DNAH2: variants seen among roughly 807,000 people sequenced by gnomAD.
DNAH2 encodes dynein axonemal heavy chain 2.
Under a neutral mutation model 523.5 loss-of-function variants are expected in DNAH2, and 323 were observed. That is an observed-to-expected ratio of 0.62 (90% CI 0.56 to 0.68). The LOEUF (loss-of-function observed/expected upper bound fraction) is 0.68, where lower values mean the gene tolerates loss of function less well. DNAH2 is among the 30% of genes least tolerant of loss of function. The pLI is 0.00. For synonymous variants in DNAH2, 2,093 were observed against 2,177.4 expected (o/e 0.96, Z 1.08); for missense variants, 4,907 against 5,701.5 (o/e 0.86, Z 4.49).
rs377750660 is a variant in DNAH2 at position 7,804,222 on chromosome 17, G to A, written c.8973-34G>A. ...GGACACCGCGCTTTCCGGAAGCCCC[G>A]CCTCTCCACACCCTGTCCTATTCTT... On this transcript the variant is annotated intron_variant, in intron 58 of 85. Coordinates refer to ENST00000572933, the MANE Select transcript of DNAH2 (RefSeq NM_020877.5). 366 of 1,610,028 alleles carry A rather than the reference G, an allele frequency of 2.3e-4. 2 individuals are homozygous for A. In the African/African-American group the frequency reaches 2.9e-3, roughly 13 times the overall value.
chr17:7,788,585 G>A lies in DNAH2; in HGVS notation c.6900+341G>A, dbSNP rs71371818. Among the ~76,000 whole-genome samples the A allele has an allele frequency of 8.9e-3, 1,352 of 152,258 alleles. 8 individuals are homozygous for A. Among genetic ancestry groups the A allele is most frequent in the South Asian group, 0.015 (72 of 4,826 alleles). On this transcript the variant is annotated intron_variant, in intron 44 of 85. Coordinates refer to ENST00000572933, the MANE Select transcript of DNAH2 (RefSeq NM_020877.5). ...ATCCCTTCAAAATATAAGTTTTGGC[G>A]TAGATGAGGCCCTGGGACACCATTT...
intron 39 of DNAH2, among the ~76,000 whole-genome samples, chr17:7,782,914 G>A (rs1310532078): frequency 7.2e-5 from 11 of 152,084 alleles, no homozygotes; most frequent in Non-Finnish European, 1.5e-4. Flanking sequence ...TCGTGAAAAG[G>A]ACGATGGGAA....
chr17:7,726,422 G>A (rs2151123865), intron 3 of DNAH2, among the ~76,000 whole-genome samples: 1 of 151,858 alleles, frequency 6.6e-6, no homozygotes, highest in East Asian at 1.9e-4. Context: ...TCCTGCCGCA[G>A]CTTCCCGAGT....
At chr17:7,800,706 A>T (rs2077198358) in intron 56 of DNAH2, among the ~76,000 whole-genome samples, 1 of 150,390 alleles carries the variant, frequency 6.6e-6, no homozygotes, top group Non-Finnish European at 1.5e-5. Flanking sequence ...CTCTACTAAA[A>T]ATACAAAAAA....
intron 64 of DNAH2, among the ~76,000 whole-genome samples, chr17:7,817,040 G>C (rs1040920482): frequency 1.3e-5 from 2 of 152,170 alleles, no homozygotes; most frequent in African/African-American, 4.8e-5. Context: ...TCTTGCTTCT[G>C]CCCCTCAGTG....
In DNAH2 at chr17:7,754,559, C is replaced by T. The variant is rs1567643556; in HGVS notation, c.1905-2532C>T. On this transcript the variant is annotated intron_variant, in intron 12 of 85. Coordinates refer to ENST00000572933, the MANE Select transcript of DNAH2 (RefSeq NM_020877.5). This position sits in a 1 kb window ranked among gnomAD's most constrained non-coding sequence, Gnocchi z 4.6. ...AAAAGAAGGGCCTAAAGAAGATGCA[C>T]ACCAACAATGCCAAGGCCATGAGTC... is the stretch of plus-strand genomic sequence containing the variant. 9.3e-6 allele frequency: 13 copies of T among 1,399,810 alleles called. No homozygotes were observed. Among genetic ancestry groups the T allele is most frequent in the Non-Finnish European group, 1.3e-5 (13 of 1,003,414 alleles). 86.7% of individuals were successfully genotyped at this position (1,399,810 alleles called of 1,614,324 possible).
Position 7,737,217 on chromosome 17 carries a change from C to A in DNAH2, c.1129C>A (p.His377Asn). 1 of 1,614,144 alleles carries A rather than the reference C, an allele frequency of 6.2e-7. No homozygotes were observed. Reference protein sequence around the residue: ...LIRIIWVNSPHYNTRERLTSL... With the variant: ...LIRIIWVNSPNYNTRERLTSL... ...CCGCATCATCTGGGTCAACTCTCCC[C>A]ACTACAACACTCGGGAGAGACTGAC... is the stretch of plus-strand genomic sequence containing the variant. Residue 377 changes from histidine (H) to asparagine (N), a missense_variant, in exon 8 of 86, where the codon CAC (histidine) becomes AAC (asparagine). His to Asn is a moderately conservative substitution (Grantham distance 68, BLOSUM62 1). Coordinates refer to ENST00000572933, the MANE Select transcript of DNAH2 (RefSeq NM_020877.5).
intron 12 of DNAH2, among the ~76,000 whole-genome samples, chr17:7,745,679 A>C (rs2075496253): frequency 6.6e-6 from 1 of 151,458 alleles, no homozygotes; most frequent in African/African-American, 2.4e-5. Flanking sequence ...AGTCCCAGCT[A>C]CTCAGGAGGC....
chr17:7,833,358 T>TCCAG (rs2078248431), intron 85 of DNAH2, 21 bp from the exon 86 acceptor site: 1 of 1,612,784 alleles, frequency 6.2e-7, no homozygotes, highest in Non-Finnish European at 8.5e-7. Context: ...GGGGTCTGAC[T>TCCAG]TCTCCTCTCC....
intron 2 of DNAH2, among the ~76,000 whole-genome samples, chr17:7,722,186 A>AT (rs2074631838): frequency 3.3e-5 from 1 of 30,264 alleles, no homozygotes; most frequent in African/African-American, 1.7e-4. Flanking sequence ...TTTTATAGAG[A>AT]CGGGGGGGGG....
chr17:7,821,482 G>A lies in DNAH2; in HGVS notation c.11142+113G>A. On this transcript the variant is annotated intron_variant, in intron 73 of 85. Transcript: ENST00000572933. The surrounding 1 kb of genome is among the most constrained non-coding windows in gnomAD (Gnocchi z 5.0). ...TCAGGCCCACAGCATCAGTGAGTGAGCTGAGAAAATCCAGGCCAGCATCAG... is the reference window on the plus strand; with the variant it reads ...TCAGGCCCACAGCATCAGTGAGTGAACTGAGAAAATCCAGGCCAGCATCAG... 1 of 1,403,290 alleles carries A rather than the reference G, an allele frequency of 7.1e-7. No individual in the cohort carries two copies. The highest frequency in any genetic ancestry group is 9.5e-7 in the Non-Finnish European group (1 of 1,057,928). 86.9% of individuals were successfully genotyped at this position (1,403,290 alleles called of 1,614,324 possible).
chr17:7,816,186 G>A (rs964087040), intron 63 of DNAH2, among the ~76,000 whole-genome samples: 1 of 152,066 alleles, frequency 6.6e-6, no homozygotes, highest in Non-Finnish European at 1.5e-5. Flanking sequence ...TCCACCTTAG[G>A]TATGGCCTCT....
At chr17:7,765,343 G>T (rs756946011) in intron 20 of DNAH2, 48 bp from the exon 21 acceptor site, 5 of 1,562,020 alleles carry the variant, frequency 3.2e-6, no homozygotes, top group African/African-American at 2.7e-5. Flanking sequence ...ACGCATGAGA[G>T]GGCAGACCTC....
chr17:7,813,548 T>C (rs2077577744), intron 63 of DNAH2, among the ~76,000 whole-genome samples: 1 of 152,196 alleles, frequency 6.6e-6, no homozygotes, highest in African/African-American at 2.4e-5. Flanking sequence ...AAGAACTGAT[T>C]TGGAAACAAG....
In DNAH2 at chr17:7,788,180, C is replaced by A. The variant is rs750716912; in HGVS notation, c.6836C>A (p.Pro2279His). ...AACTGCAAGGAGCTGGTGCCCCTGC[C>A]CGAGTACAGCGGTATCACCTCCCTC... ...KDNCKELVPL[P>H]EYSGITSLCK... Residue 2279 changes from proline (P) to histidine (H), a missense_variant, in exon 44 of 86, where the codon CCC (proline) becomes CAC (histidine). Coordinates refer to ENST00000572933, the MANE Select transcript of DNAH2 (RefSeq NM_020877.5). 11 of 1,612,882 alleles carry A rather than the reference C, an allele frequency of 6.8e-6. No individual in the cohort carries two copies. Among genetic ancestry groups the A allele is most frequent in the Non-Finnish European group, 9.3e-6 (11 of 1,179,526 alleles).
chr17:7,759,793 G>A lies in DNAH2; in HGVS notation c.2640G>A (p.Val880=). Residue 880 remains valine, a splice_region_variant and synonymous_variant, in exon 17 of 86, where the codon GTG becomes GTA. Transcript: ENST00000572933. ...KNDLQGSVAQ[V]EFSPTLQTLA... ...CATCTCCACTGGGTTCCTCACAGGT[G>A]GAATTCTCACCCACTCTGCAGACTT... 6.2e-7 allele frequency: 1 copy of A among 1,614,120 alleles called. No individual in the cohort carries two copies. The highest frequency in any genetic ancestry group is 1.6e-4 in the Middle Eastern group (1 of 6,062).
intron 29 of DNAH2, 94 bp from the exon 30 acceptor site, chr17:7,775,147 G>T: frequency 7.5e-7 from 1 of 1,333,276 alleles, no homozygotes; most frequent in Non-Finnish European, 1.0e-6. Flanking sequence ...GAGGAGGGGA[G>T]AGGAGCAGTA....
intron 7 of DNAH2, among the ~76,000 whole-genome samples, chr17:7,735,562 C>T (rs1379167001): frequency 6.6e-6 from 1 of 152,084 alleles, no homozygotes; most frequent in African/African-American, 2.4e-5. Context: ...CATCAGCCTC[C>T]TGAGTAGCTG....
At position 7,770,610 on chromosome 17, in the gene DNAH2, C is replaced by A. The variant is rs9909288; in HGVS notation, c.4152C>A (p.Pro1384=). The A allele has an allele frequency of 6.2e-6, 10 of 1,613,928 alleles. No individual in the cohort carries two copies. The highest frequency in any genetic ancestry group is 4.5e-5 in the East Asian group (2 of 44,868). The change falls in exon 26 of 86, where the codon CCC becomes CCA. Residue 1384 remains proline (P), a synonymous_variant. Coordinates refer to ENST00000572933, the MANE Select transcript of DNAH2 (RefSeq NM_020877.5). ...TWDVTQLDIV[P]YKDKGHHRLR... ...ATGTGACTCAGCTCGACATAGTACC[C>A]TACAAGGATAAGGGCCATCATCGGC...
Sources: allele counts gnomAD v4.1 joint callset (sites outside exome capture counted in the v4.1 genomes callset), GRCh38; gene constraint gnomAD v4.1.1; non-coding constraint Gnocchi (gnomAD v3.1); transcripts MANE v1.5; gene names NCBI Gene and HGNC (gene_info 2026-07-23, HGNC 2026-07-21).